The following CNNM2 variants were observed in gnomAD, a reference collection of about 807,000 sequenced individuals.
CNNM2 encodes the protein cyclin and CBS domain divalent metal cation transport mediator 2, also known as metal transporter CNNM2.
A neutral mutation model predicts 66.9 loss-of-function variants in CNNM2; 12 were observed. The ratio of observed to expected loss-of-function variants is 0.18; its 90% CI spans 0.11 to 0.29. CNNM2 has a LOEUF of 0.29. Ranked by LOEUF, CNNM2 falls within the 10% of genes least tolerant of loss-of-function variation. The pLI is 1.00. For synonymous variants in CNNM2, 557 were observed against 501.8 expected (o/e 1.11, Z -1.47); for missense variants, 705 against 1,167.7 (o/e 0.60, Z 5.77).
chr10:103,001,078 G>A (rs142770716), intron 1 of CNNM2, among the ~76,000 whole-genome samples: 339 of 152,174 alleles, frequency 2.2e-3, no homozygotes, highest in Non-Finnish European at 3.6e-3. Context: ...GAAATAAGCC[G>A]GTCACAAAAA....
At chr10:102,952,491 G>A (rs1258190439) in intron 1 of CNNM2, among the ~76,000 whole-genome samples, 1 of 152,046 alleles carries the variant, frequency 6.6e-6, no homozygotes, top group Non-Finnish European at 1.5e-5. Context: ...ATGAACCTGG[G>A]AGGCGGAGCT....
intron 1 of CNNM2, among the ~76,000 whole-genome samples, chr10:102,963,828 C>T (rs1266557893): frequency 1.3e-5 from 2 of 152,078 alleles, no homozygotes; most frequent in African/African-American, 4.8e-5. Flanking sequence ...TTAATACAAA[C>T]TTGAGGTGAT....
At position 103,054,315 on chromosome 10, in the gene CNNM2, A is replaced by G; in HGVS notation, c.1766-14A>G. 1 of 1,611,550 alleles carries G rather than the reference A, an allele frequency of 6.2e-7. No individual in the cohort carries two copies. Among genetic ancestry groups the G allele is most frequent in the South Asian group, 1.1e-5 (1 of 90,720 alleles). ...GCATTTCTTTTTTTTTCTCTCTTTT[A>G]ATTCCTCCCTTAGCTGACAACAGAA... On this transcript the variant is annotated splice_polypyrimidine_tract_variant and intron_variant, in intron 2 of 7. Transcript: ENST00000369878. This position sits in a 1 kb window ranked among gnomAD's most constrained non-coding sequence, Gnocchi z 5.2.
intron 1 of CNNM2, among the ~76,000 whole-genome samples, chr10:103,049,092 C>T (rs1012681649): frequency 2.6e-5 from 4 of 152,128 alleles, no homozygotes; most frequent in African/African-American, 2.4e-5. Flanking sequence ...GTGGTCTTCC[C>T]GCCCGGGCCT....
intron 1 of CNNM2, among the ~76,000 whole-genome samples, chr10:102,944,326 C>T (rs1303670244): frequency 1.3e-5 from 2 of 152,102 alleles, no homozygotes; most frequent in East Asian, 3.9e-4. Context: ...TGATCGCCTG[C>T]CTTGACCTCC....
chr10:103,046,832 G>C (rs2065134226), intron 1 of CNNM2, among the ~76,000 whole-genome samples: 1 of 152,150 alleles, frequency 6.6e-6, no homozygotes, highest in Admixed American at 6.6e-5. Flanking sequence ...AGGAGTATCA[G>C]CTTTTTTGGA....
In CNNM2 at chr10:103,065,563, A is replaced by G. The variant is rs557443604; in HGVS notation, c.2074-3066A>G. Among the ~76,000 whole-genome samples, 3 of 152,326 alleles carry G rather than the reference A, an allele frequency of 2.0e-5. No individual in the cohort carries two copies. In the East Asian group the frequency reaches 5.8e-4, roughly 29 times the overall value. Reference sequence around the variant, plus strand: ...GTCCTGACAGTTTTATCTCCAAAGAATAGTGACCTGGCATCTGTCTGCAGG... The same window carrying G: ...GTCCTGACAGTTTTATCTCCAAAGAGTAGTGACCTGGCATCTGTCTGCAGG... On this transcript the variant is annotated intron_variant, in intron 4 of 7. Coordinates refer to ENST00000369878, the MANE Select transcript of CNNM2 (RefSeq NM_017649.5).
intron 1 of CNNM2, among the ~76,000 whole-genome samples, chr10:103,040,214 T>C (rs980929350): frequency 2.6e-5 from 4 of 151,808 alleles, no homozygotes; most frequent in African/African-American, 9.7e-5. Context: ...GATGACATTA[T>C]AGGAGCTCAA....
intron 1 of CNNM2, among the ~76,000 whole-genome samples, chr10:103,000,115 A>G (rs2064088425): frequency 6.6e-6 from 1 of 152,054 alleles, no homozygotes; most frequent in East Asian, 1.9e-4. Context: ...AGGCACCTAT[A>G]ATACCAGCTA....
chr10:102,999,137 C>T (rs1441139767), intron 1 of CNNM2, among the ~76,000 whole-genome samples: 3 of 150,916 alleles, frequency 2.0e-5, no homozygotes, highest in Non-Finnish European at 4.4e-5. Context: ...GTGGCGCGAT[C>T]TTGGCTCACT....
In CNNM2 at chr10:102,987,568, G is replaced by T. The variant is rs755663571; in HGVS notation, c.1622-62139G>T. ...GAACTGCTGACCTCGTGATCTGCCC[G>T]CCTCGGCCTCCCAAAGTGCTGGGAT... On this transcript the variant is annotated intron_variant, in intron 1 of 7. Transcript: ENST00000369878. Among the ~76,000 whole-genome samples, 9 of 152,054 alleles carry T rather than the reference G, an allele frequency of 5.9e-5. No homozygotes were observed. In the South Asian group the frequency reaches 6.2e-4, roughly 11 times the overall value.
In CNNM2 at chr10:103,077,114, C is replaced by T. The variant is rs770057494; in HGVS notation, c.2562C>T (p.Leu854=). Residue 854 remains leucine, a synonymous_variant, in exon 8 of 8, where the codon CTC becomes CTT. Transcript: ENST00000369878. ...TGCCAGACGAGACAGCCAACCTGCT[C>T]AACGAACAGAACTGTGTGACGCACA... The part of the protein sequence containing the change: ...DGLPDETANL[L]NEQNCVTHSK... 2 of 1,613,988 alleles carry T rather than the reference C, an allele frequency of 1.2e-6. No individual in the cohort carries two copies. The highest frequency in any genetic ancestry group is 1.7e-5 in the Admixed American group (1 of 60,034).
chr10:102,993,675 A>G lies in CNNM2; in HGVS notation c.1622-56032A>G, dbSNP rs189596087. On this transcript the variant is annotated intron_variant, in intron 1 of 7. Coordinates refer to ENST00000369878, the MANE Select transcript of CNNM2 (RefSeq NM_017649.5). Reference sequence around the variant, plus strand: ...CCTGTATGGCTTTGGTTGAGGATGTATTCTTTGTTGTTAATTTCTTGACTT... The same window carrying G: ...CCTGTATGGCTTTGGTTGAGGATGTGTTCTTTGTTGTTAATTTCTTGACTT... Among the ~76,000 whole-genome samples the G allele has an allele frequency of 7.1e-4, 108 of 152,126 alleles. 1 individual carries two copies. The Middle Eastern group carries it at 0.02, about 29-fold the overall frequency.
chr10:102,941,142 T>C (rs546834578), intron 1 of CNNM2, among the ~76,000 whole-genome samples: 98 of 152,296 alleles, frequency 6.4e-4, no homozygotes, highest in African/African-American at 2.0e-3. Context: ...ATGGCTTTCT[T>C]TATTGTCTGT....
intron 1 of CNNM2, among the ~76,000 whole-genome samples, chr10:102,940,000 C>CAAA (rs1554889969): frequency 9.3e-6 from 1 of 107,652 alleles, no homozygotes; most frequent in Admixed American, 9.1e-5. Context: ...ACAACAACAA[C>CAAA]AAAAAAAAAA....
intron 1 of CNNM2, among the ~76,000 whole-genome samples, chr10:103,039,938 GGGT>G (rs1194816547): frequency 5.9e-5 from 9 of 152,162 alleles, no homozygotes; most frequent in African/African-American, 1.7e-4. Flanking sequence ...AGGCCAAGAA[GGGT>G]GGATCACCTG....
At position 103,076,265 on chromosome 10, in the gene CNNM2, G is replaced by A. The variant is rs2065688781; in HGVS notation, c.2413G>A (p.Val805Ile). 6.4e-7 allele frequency: 1 copy of A among 1,556,782 alleles called. No homozygotes were observed. Among genetic ancestry groups the A allele is most frequent in the Non-Finnish European group, 8.7e-7 (1 of 1,149,850 alleles). The change falls in exon 7 of 8, where the codon GTT becomes ATT. Residue 805 changes from valine (V) to isoleucine (I), a missense_variant. By Grantham distance (29) the Val-to-Ile change is conservative. This residue lies in a region of CNNM2 where 194 missense variants were observed against 227.6 expected (regional missense o/e 0.85). Transcript: ENST00000369878. ...GCGAGCCCTTTCGGATCTGCAGTTT[G>A]TTAAGGTGAGAGACGTGAGTGCAGT... is the stretch of plus-strand genomic sequence containing the variant. ...SVRALSDLQF[V>I]KISRQQYQNA...
chr10:102,961,758 T>G (rs917549340), intron 1 of CNNM2, among the ~76,000 whole-genome samples: 2 of 152,068 alleles, frequency 1.3e-5, no homozygotes, highest in African/African-American at 4.8e-5. Context: ...GCTGAAAATT[T>G]TACAAAGTTT....
chr10:102,927,444 T>A, intron 1 of CNNM2: 1 of 1,610,634 alleles, frequency 6.2e-7, no homozygotes, highest in Non-Finnish European at 8.5e-7. Flanking sequence ...AACTCTAGGA[T>A]GTCTATACAG....
Sources: allele counts gnomAD v4.1 joint callset (sites outside exome capture counted in the v4.1 genomes callset), GRCh38; gene constraint gnomAD v4.1.1; regional missense constraint gnomAD v4.1.1; non-coding constraint Gnocchi (gnomAD v3.1); transcripts MANE v1.5; gene names NCBI Gene and HGNC (gene_info 2026-07-23, HGNC 2026-07-21).